Variants in INPP5E observed in about 807,000 individuals in gnomAD.
INPP5E encodes the protein inositol polyphosphate-5-phosphatase E.
INPP5E carries 34 observed loss-of-function variants against 50.5 expected under a neutral mutation model. That is an observed-to-expected ratio of 0.67 (90% confidence interval 0.51 to 0.90). The LOEUF (loss-of-function observed/expected upper bound fraction) is 0.90, where lower values mean the gene tolerates loss of function less well. Ranked by LOEUF, INPP5E falls within the 40% of genes least tolerant of loss-of-function variation. The pLI, the probability that INPP5E is intolerant of heterozygous loss-of-function variation, is 0.00. For missense variants in INPP5E, 942 were observed against 905.5 expected (o/e 1.04, Z -0.52); for synonymous variants, 447 against 406.0 (o/e 1.10, Z -1.21).
rs143258290 is a variant in INPP5E at position 136,434,096 on chromosome 9, G to A, written c.975C>T (p.Ala325=). The part of the protein sequence containing the change: ...PPSLDEFLLP[A]EADYAQDLYV... ...ACAGGTCCTGGGCATAGTCGGCCTC[G>A]GCTGGGAGCAGGAACTCGTCCAGGC... The change falls in exon 3 of 10, where the codon GCC becomes GCT. Residue 325 remains alanine (A), a synonymous_variant. Transcript: ENST00000371712. 267 of 1,610,752 alleles carry A rather than the reference G, an allele frequency of 1.7e-4. No individual in the cohort carries two copies. Among genetic ancestry groups the A allele is most frequent in the Non-Finnish European group, 2.0e-4 (232 of 1,179,548 alleles).
chr9:136,432,613 C>T, intron 5 of INPP5E, 27 bp from the exon 6 acceptor site: 3 of 1,394,496 alleles, frequency 2.2e-6, no homozygotes, highest in Non-Finnish European at 3.0e-6. Flanking sequence ...GGGGTAGGGA[C>T]CACAGGGTTC....
intron 2 of INPP5E, 114 bp from the exon 3 acceptor site, chr9:136,434,248 T>G (rs1054076873): frequency 1.2e-5 from 9 of 766,136 alleles, no homozygotes; most frequent in Admixed American, 2.1e-5. Flanking sequence ...GAGGGGAAAC[T>G]GAGGCCAGGG....
chr9:136,435,210 G>T (rs1235948108), intron 1 of INPP5E, among the ~76,000 whole-genome samples: 1 of 152,188 alleles, frequency 6.6e-6, no homozygotes, highest in Non-Finnish European at 1.5e-5. Context: ...TGCTGTTCGG[G>T]GAGGGGCTGG....
At chr9:136,434,702 C>A in intron 2 of INPP5E, 38 bp downstream of exon 2, 1 of 1,581,734 alleles carries the variant, frequency 6.3e-7, no homozygotes, top group South Asian at 1.1e-5. Context: ...CAGCACCACC[C>A]CACCCTTCCC....
intron 2 of INPP5E, 145 bp from the exon 3 acceptor site, chr9:136,434,279 T>C (rs1835780735): frequency 3.0e-6 from 2 of 657,392 alleles, no homozygotes; most frequent in Admixed American, 4.7e-5. Context: ...AGCTGCCCGG[T>C]CTCCGAGGCA....
In INPP5E at chr9:136,434,813, T is replaced by A; in HGVS notation, c.863A>T (p.Asp288Val). The change falls in exon 2 of 10, where the codon GAT becomes GTT. Residue 288 changes from aspartate to valine, a missense_variant. Transcript: ENST00000371712. ...GTCTGGGAAGTAGCGGGCCAGCTCATCCGCCCCCAACAGGGCCCCGCTGGC... is the reference window on the plus strand; with the variant it reads ...GTCTGGGAAGTAGCGGGCCAGCTCAACCGCCCCCAACAGGGCCCCGCTGGC... ...LLASGALLGA[D>V]ELARYFPDRN... The A allele has an allele frequency of 6.2e-7, 1 of 1,606,820 alleles. No individual in the cohort carries two copies. The highest frequency in any genetic ancestry group is 8.5e-7 in the Non-Finnish European group (1 of 1,177,116).
At chr9:136,430,475 C>T (rs1016610055) in intron 8 of INPP5E, 62 bp from the exon 9 acceptor site, 19 of 1,538,872 alleles carry the variant, frequency 1.2e-5, no homozygotes, top group Admixed American at 1.2e-4. Flanking sequence ...GGGCGTGGCC[C>T]GCTCACCTCC....
In INPP5E at chr9:136,430,385, T is replaced by C. The variant is rs1212544429; in HGVS notation, c.1694A>G (p.Lys565Arg). The C allele has an allele frequency of 1.3e-6, 2 of 1,556,138 alleles. No homozygotes were observed. The highest frequency in any genetic ancestry group is 1.7e-6 in the Non-Finnish European group (2 of 1,149,076). The part of the protein sequence containing the change: ...TDRVLYRSRH[K>R]GDICPVSYSS... Reference sequence around the variant, plus strand: ...GTAGCTCACAGGACAGATGTCACCCTTGTGGCGGCTTCTGTACAAGACGCG... The same window carrying C: ...GTAGCTCACAGGACAGATGTCACCCCTGTGGCGGCTTCTGTACAAGACGCG... Residue 565 changes from lysine (K) to arginine (R), a missense_variant, in exon 9 of 10, where the codon AAG becomes AGG. By Grantham distance (26) the Lys-to-Arg change is conservative (BLOSUM62 2). Coordinates refer to ENST00000371712, the MANE Select transcript of INPP5E (RefSeq NM_019892.6).
intron 2 of INPP5E, 31 bp downstream of exon 2, chr9:136,434,709 T>G: frequency 6.3e-7 from 1 of 1,576,246 alleles, no homozygotes; most frequent in Non-Finnish European, 8.6e-7. Flanking sequence ...ACCCCACCCT[T>G]CCCCGCCCAG....
intron 9 of INPP5E, 28 bp from the exon 10 acceptor site, chr9:136,429,835 G>A: frequency 1.2e-6 from 2 of 1,610,102 alleles, no homozygotes; most frequent in Non-Finnish European, 8.5e-7. Flanking sequence ...GCGTTAGGAG[G>A]GCACCCAGGG....
chr9:136,435,004 C>T (rs76470602), intron 1 of INPP5E, 141 bp from the exon 2 acceptor site: 9 of 1,020,328 alleles, frequency 8.8e-6, no homozygotes, highest in African/African-American at 1.6e-5. Flanking sequence ...TCCTGGCCCC[C>T]GCGGCACTGC....
chr9:136,435,431 C>T (rs1241539103), intron 1 of INPP5E: 1 of 154,846 alleles, frequency 6.5e-6, no homozygotes, highest in African/African-American at 2.4e-5. Flanking sequence ...CCTGCAGCCT[C>T]TACCTCCCGG....
chr9:136,429,178 G>A lies in INPP5E; in HGVS notation c.*497C>T. On this transcript the variant is annotated 3_prime_UTR_variant, in exon 10 of 10. Coordinates refer to ENST00000371712, the MANE Select transcript of INPP5E (RefSeq NM_019892.6). The stretch of plus-strand genomic sequence containing the variant: ...CACTCAGAGGTCTGAGGCCCCAGGG[G>A]TCACCTAGCCCAGATCCAGCCTTGC... 4.5e-6 allele frequency: 1 copy of A among 220,820 alleles called. No homozygotes were observed. Among genetic ancestry groups the A allele is most frequent in the Non-Finnish European group, 9.2e-6 (1 of 108,554 alleles). 13.7% of individuals were successfully genotyped at this position (220,820 alleles called of 1,614,324 possible).
At chr9:136,437,983 C>G (rs1835864492) in intron 1 of INPP5E, 1 of 157,822 alleles carries the variant, frequency 6.3e-6, no homozygotes, top group South Asian at 1.9e-4. Flanking sequence ...TCTGGGGCCT[C>G]TTGCCGCAGA....
At chr9:136,434,685 C>T (rs1299330601) in intron 2 of INPP5E, 55 bp downstream of exon 2, 1 of 1,566,352 alleles carries the variant, frequency 6.4e-7, no homozygotes. Flanking sequence ...CCTCACCCGC[C>T]TTTGTCCAGC....
At position 136,429,528 on chromosome 9, in the gene INPP5E, G is replaced by T; in HGVS notation, c.*147C>A. The T allele has an allele frequency of 9.5e-7, 1 of 1,055,152 alleles. No homozygotes were observed. Among genetic ancestry groups the T allele is most frequent in the Non-Finnish European group, 1.5e-6 (1 of 686,434 alleles). 65.4% of individuals were successfully genotyped at this position (1,055,152 alleles called of 1,614,324 possible). A position where few individuals can be genotyped will look rare whatever the true frequency, so the allele number is the denominator to read the frequency against. ...ACAGAGGACAGGCTCGCTCAGGGTTGGCTTCCTTCCTGGGACGCTGGCACA... is the reference window on the plus strand; with the variant it reads ...ACAGAGGACAGGCTCGCTCAGGGTTTGCTTCCTTCCTGGGACGCTGGCACA... On this transcript the variant is annotated 3_prime_UTR_variant, in exon 10 of 10. Transcript: ENST00000371712.
Position 136,439,468 on chromosome 9 carries a change from G to T in INPP5E, c.-49C>A. ...CTCGGCGCGAGGCCGCAGGCAGCGC[G>T]AGGGGTCACGGGTGCCGGGTCCGGG... On this transcript the variant is annotated 5_prime_UTR_variant, in exon 1 of 10. Transcript: ENST00000371712. 7.3e-7 allele frequency: 1 copy of T among 1,365,976 alleles called. No individual in the cohort carries two copies. Among genetic ancestry groups the T allele is most frequent in the Non-Finnish European group, 9.6e-7 (1 of 1,045,160 alleles). The allele number at this position is 1,365,976 out of a possible 1,614,324, so 84.6% of individuals were successfully genotyped here. A position where few individuals can be genotyped will look rare whatever the true frequency, so the allele number is the denominator to read the frequency against.
At chr9:136,435,298 C>T (rs555128380) in intron 1 of INPP5E, among the ~76,000 whole-genome samples, 134 of 152,298 alleles carry the variant, frequency 8.8e-4, no homozygotes, top group Non-Finnish European at 1.7e-3. Context: ...CACACGGAAA[C>T]GCGTCCATCT....
chr9:136,437,288 C>G (rs1302418943), intron 1 of INPP5E: 1 of 152,268 alleles, frequency 6.6e-6, no homozygotes, highest in East Asian at 1.9e-4. Flanking sequence ...TCCCAGAGCC[C>G]CAGAACCTTG....
Sources: allele counts gnomAD v4.1 joint callset (sites outside exome capture counted in the v4.1 genomes callset), GRCh38; gene constraint gnomAD v4.1.1; transcripts MANE v1.5; gene names NCBI Gene and HGNC (gene_info 2026-07-23, HGNC 2026-07-21).